The following CCDC30 variants were observed in gnomAD, a reference collection of about 807,000 sequenced individuals.
The protein encoded by CCDC30 is coiled-coil domain containing 30.
A neutral mutation model predicts 100.2 loss-of-function variants in CCDC30; 70 were observed. The ratio of observed to expected loss-of-function variants is 0.70; its 90% CI spans 0.58 to 0.85. The LOEUF (loss-of-function observed/expected upper bound fraction) is 0.85. CCDC30 is among the 40% of genes least tolerant of loss of function. CCDC30 has a pLI of 0.00. For synonymous variants in CCDC30, 233 were observed against 269.5 expected (o/e 0.86, Z 1.33); for missense variants, 652 against 771.2 (o/e 0.85, Z 1.83).
rs1215156415 is a variant in CCDC30 at position 42,644,783 on chromosome 1, G to A, written c.1647G>A (p.Arg549=). 2.5e-6 allele frequency: 4 copies of A among 1,611,628 alleles called. No homozygotes were observed. The South Asian group carries it at 4.4e-5, about 18-fold the overall frequency. The change falls in exon 14 of 17, where the codon AGG becomes AGA. Residue 549 remains arginine (R), a synonymous_variant. Transcript: ENST00000668663. The stretch of plus-strand genomic sequence containing the variant: ...TTGGCTTCTTAGAGCGAATTATAAG[G>A]AGCATCCATATTCGCAGAGGAGAGG...
intron 8 of CCDC30, among the ~76,000 whole-genome samples, chr1:42,579,359 C>T (rs1436053882): frequency 2.0e-5 from 3 of 151,808 alleles, no homozygotes; most frequent in East Asian, 2.0e-4. Context: ...AATGGCCAGG[C>T]GCAGTGGCTC....
intron 6 of CCDC30, chr1:42,510,235 C>G: frequency 1.8e-6 from 1 of 551,278 alleles, no homozygotes; most frequent in Non-Finnish European, 2.3e-6. Flanking sequence ...TCCTTTTGAC[C>G]TACCATAGGA....
At chr1:42,482,894 A>G (rs1010449693) in intron 3 of CCDC30, 78 bp downstream of exon 3, 7 of 933,850 alleles carry the variant, frequency 7.5e-6, no homozygotes, top group African/African-American at 5.1e-5. Context: ...AACATGAGAA[A>G]AAAAAAAAAC....
chr1:42,640,145 C>T (rs1647285010), intron 12 of CCDC30, among the ~76,000 whole-genome samples: 1 of 152,086 alleles, frequency 6.6e-6, no homozygotes, highest in South Asian at 2.1e-4. Context: ...GCCCAAGGAC[C>T]AGAGCACTGA....
At chr1:42,569,540 T>C (rs1245595938) in intron 7 of CCDC30, among the ~76,000 whole-genome samples, 1 of 152,196 alleles carries the variant, frequency 6.6e-6, no homozygotes, top group African/African-American at 2.4e-5. Context: ...GAGTGTAAAC[T>C]AGTTCAACCA....
chr1:42,629,252 A>C (rs1422386873), intron 11 of CCDC30, among the ~76,000 whole-genome samples: 2 of 152,202 alleles, frequency 1.3e-5, no homozygotes, highest in Non-Finnish European at 2.9e-5. Context: ...TGTCTGGGAA[A>C]GTATTTATTT....
At chr1:42,566,107 T>A (rs1296320131) in intron 6 of CCDC30, among the ~76,000 whole-genome samples, 189 bp from the exon 11 acceptor site, 1 of 152,216 alleles carries the variant, frequency 6.6e-6, no homozygotes, top group Admixed American at 6.5e-5. Context: ...TAATATAACA[T>A]GTATTATATG....
chr1:42,511,978 C>T (rs1299512555), intron 6 of CCDC30, among the ~76,000 whole-genome samples: 1 of 152,186 alleles, frequency 6.6e-6, no homozygotes, highest in Non-Finnish European at 1.5e-5. Flanking sequence ...GATTTACCCA[C>T]ATATTTATTG....
chr1:42,623,508 A>G lies in CCDC30; in HGVS notation c.1277+12418A>G, dbSNP rs191020309. Reference sequence around the variant, plus strand: ...GAAGAGACTATCTTTTCCCTGGTGTATGTTCTTGGCACCTTTGTCAAAATG... The same window carrying G: ...GAAGAGACTATCTTTTCCCTGGTGTGTGTTCTTGGCACCTTTGTCAAAATG... On this transcript the variant is annotated intron_variant, in intron 11 of 16. Coordinates refer to ENST00000668663, the Ensembl canonical transcript of CCDC30. Among the ~76,000 whole-genome samples the G allele has an allele frequency of 6.6e-5, 10 of 152,088 alleles. No individual in the cohort carries two copies. In the East Asian group the frequency reaches 1.9e-3, roughly 29 times the overall value.
rs199884425 is a variant in CCDC30, at chr1:42,482,559, ATTG to A, written c.16-101_16-99del. ...CACACACAAAGAAATACACATAGAT[ATTG>A]TTTGCTAATTTATTGGCTTTTAAAC... On this transcript the variant is annotated intron_variant, in intron 2 of 16. Coordinates refer to ENST00000668663, the Ensembl canonical transcript of CCDC30. The A allele has an allele frequency of 2.1e-3, 1,244 of 596,990 alleles. 15 individuals carry two copies. In the African/African-American group the frequency reaches 0.023, roughly 11 times the overall value. 37.0% of individuals were successfully genotyped at this position (596,990 alleles called of 1,614,324 possible).
intron 3 of CCDC30, among the ~76,000 whole-genome samples, chr1:42,486,401 A>G (rs1227439334): frequency 6.6e-6 from 1 of 152,186 alleles, no homozygotes; most frequent in Non-Finnish European, 1.5e-5. Context: ...TCCTTAACCA[A>G]TAGTGGCTCA....
chr1:42,651,391 C>G (rs192488638), intron 15 of CCDC30, among the ~76,000 whole-genome samples: 2 of 151,362 alleles, frequency 1.3e-5, no homozygotes, highest in African/African-American at 4.9e-5. Flanking sequence ...AGCAAGAACA[C>G]AACCCAATTA....
At chr1:42,597,919 A>T (rs1181258714) in intron 10 of CCDC30, among the ~76,000 whole-genome samples, 1 of 152,006 alleles carries the variant, frequency 6.6e-6, no homozygotes, top group African/African-American at 2.4e-5. Context: ...GCACTTTGGG[A>T]GGCTGAGGCG....
chr1:42,477,082 CTT>C (rs993279533), intron 1 of CCDC30, among the ~76,000 whole-genome samples: 1 of 143,930 alleles, frequency 6.9e-6, no homozygotes. Context: ...TTAATTCTGG[CTT>C]TTTTTTTTCC....
At chr1:42,593,293 C>T (rs1646223649) in intron 10 of CCDC30, 1 of 152,154 alleles carries the variant, frequency 6.6e-6, no homozygotes, top group Admixed American at 6.5e-5. Flanking sequence ...AAACAGTTTG[C>T]TTACTGGATT....
intron 6 of CCDC30, among the ~76,000 whole-genome samples, chr1:42,532,250 A>T (rs1433265303): frequency 6.6e-6 from 1 of 152,230 alleles, no homozygotes; most frequent in African/African-American, 2.4e-5. Context: ...CAGTCAGAGA[A>T]ATCTCCACTT....
At chr1:42,459,830 A>G (rs142078638), upstream of CCDC30, 372 of 1,614,194 alleles carry the variant, frequency 2.3e-4, 3 homozygotes, top group East Asian at 3.3e-3. Flanking sequence ...AGTTATTGCT[A>G]TCAGAGGAAG....
intron 9 of CCDC30, among the ~76,000 whole-genome samples, chr1:42,583,476 G>C (rs998903866): frequency 6.6e-6 from 1 of 152,146 alleles, no homozygotes; most frequent in Non-Finnish European, 1.5e-5. Context: ...GATTTAAATA[G>C]TTAGATTGTA....
chr1:42,604,573 C>T (rs1319997780), intron 10 of CCDC30, among the ~76,000 whole-genome samples: 2 of 152,194 alleles, frequency 1.3e-5, no homozygotes, highest in Non-Finnish European at 2.9e-5. Flanking sequence ...TTTTTCACCT[C>T]ATTTCCTTAA....
Sources: gnomAD v4.1 joint callset for allele counts (sites outside exome capture counted in the v4.1 genomes callset) on GRCh38, gnomAD v4.1.1 for gene constraint, MANE v1.5 for transcripts, NCBI Gene and HGNC (gene_info 2026-07-23, HGNC 2026-07-21) for gene names.